Variants in MTMR9 observed in about 807,000 individuals in gnomAD.
MTMR9 encodes myotubularin-related protein 9.
Under a neutral mutation model 69.5 loss-of-function variants are expected in MTMR9, and 39 were observed. The observed-to-expected ratio is 0.56, with a 90% CI of 0.43 to 0.73. The LOEUF (loss-of-function observed/expected upper bound fraction) is 0.73, where lower values mean the gene tolerates loss of function less well. MTMR9 is among the 30% of genes least tolerant of loss of function. The pLI is 0.00. For missense variants in MTMR9, 900 were observed against 671.2 expected, an observed-to-expected ratio of 1.34 and a Z score of -3.77; for synonymous variants, 354 against 240.8, an observed-to-expected ratio of 1.47 and a Z score of -4.35.
At chr8:11,334,330 T>G in the MTMR9 span, among the ~76,000 whole-genome samples, 3 of 152,228 alleles carry the variant, frequency 2.0e-5, no homozygotes, top group Admixed American at 6.5e-5. Flanking sequence ...AAAATAAATG[T>G]TATTGAGCAC....
intron 9 of MTMR9, 159 bp downstream of exon 9, chr8:11,319,997 A>C: frequency 1.6e-6 from 1 of 613,902 alleles, no homozygotes; most frequent in South Asian, 3.6e-5. Flanking sequence ...TTCTCTTTCA[A>C]ATCAGTTATC....
chr8:11,316,604 G>A (rs1800424677), intron 7 of MTMR9, 69 bp from the exon 8 acceptor site: 2 of 953,844 alleles, frequency 2.1e-6, no homozygotes, highest in Non-Finnish European at 3.1e-6. Context: ...GTGTATAGTG[G>A]TGTCGGTAGA....
chr8:11,292,778 G>C (rs1799414986), intron 1 of MTMR9, among the ~76,000 whole-genome samples: 2 of 152,182 alleles, frequency 1.3e-5, no homozygotes, highest in African/African-American at 4.8e-5. Flanking sequence ...AGTCCCATAA[G>C]ATTATAATGG....
intron 2 of MTMR9, chr8:11,297,792 C>T (rs971957780): frequency 1.8e-5 from 8 of 447,920 alleles, no homozygotes; most frequent in Middle Eastern, 3.3e-4. Context: ...GAAAAGAAGC[C>T]GTAAATTATG....
chr8:11,299,418 C>A (rs1187992572), intron 2 of MTMR9, among the ~76,000 whole-genome samples: 1 of 152,184 alleles, frequency 6.6e-6, no homozygotes, highest in Non-Finnish European at 1.5e-5. Flanking sequence ...GCTTCAACAA[C>A]ACTATGAAGT....
chr8:11,338,309 C>T, the MTMR9 span, among the ~76,000 whole-genome samples: 1 of 152,146 alleles, frequency 6.6e-6, no homozygotes, highest in Non-Finnish European at 1.5e-5. Context: ...TCCGGAGTGT[C>T]CAGAGGTCTT....
At chr8:11,297,702 C>T (rs763499820) in intron 2 of MTMR9, among the ~76,000 whole-genome samples, 23 of 152,128 alleles carry the variant, frequency 1.5e-4, no homozygotes, top group Admixed American at 7.2e-4. Context: ...CACTTGCTGA[C>T]GCTGATCAGT....
At position 11,306,211 on chromosome 8, in the gene MTMR9, C is replaced by T. The variant is rs1799933781; in HGVS notation, c.613C>T (p.Pro205Ser). The T allele has an allele frequency of 1.2e-6, 2 of 1,613,002 alleles. No homozygotes were observed. The highest frequency in any genetic ancestry group is 2.7e-5 in the African/African-American group (2 of 74,872). ...NGMVIMRSGQ[P>S]LTGTNGRRCK... ...CTAGGTAATTATGCGAAGTGGTCAG[C>T]CACTCACTGGTACAAACGGGAGGAG... Residue 205 changes from proline to serine, a missense_variant, in exon 5 of 10, where the codon CCA (proline) becomes TCA (serine). Pro to Ser is a moderately conservative substitution (Grantham distance 74, BLOSUM62 -1). Transcript: ENST00000221086.
chr8:11,331,875 G>C, downstream of MTMR9: 1 of 1,612,044 alleles, frequency 6.2e-7, no homozygotes, highest in Non-Finnish European at 8.5e-7. Context: ...GAGTTGTGTG[G>C]GGGCAGAGGG....
chr8:11,295,536 T>C (rs2117615), intron 2 of MTMR9, among the ~76,000 whole-genome samples: 8,429 of 152,262 alleles, frequency 0.055, 813 homozygotes, highest in African/African-American at 0.19. Flanking sequence ...CATGAGTTGC[T>C]TGGAATTCCA....
At position 11,309,634 on chromosome 8, in the gene MTMR9, C is replaced by G. The variant is rs1206932138; in HGVS notation, c.917C>G (p.Thr306Ser). The change falls in exon 6 of 10, where the codon ACT (threonine) becomes AGT (serine). Residue 306 changes from threonine to serine, a missense_variant. By Grantham distance (58) the Thr-to-Ser change is moderately conservative (BLOSUM62 1). Transcript: ENST00000221086. The part of the protein sequence containing the change: ...LSKLEASNWL[T>S]HIKEILTTAC... ...AAATTGGAGGCCTCTAACTGGCTGA[C>G]TCACATCAAAGAGATTCTGACAACT... 2.5e-6 allele frequency: 4 copies of G among 1,613,972 alleles called. No homozygotes were observed. The South Asian group carries it at 3.3e-5, about 13-fold the overall frequency.
the MTMR9 span, among the ~76,000 whole-genome samples, chr8:11,334,060 C>G: frequency 1.4e-4 from 22 of 152,298 alleles, no homozygotes; most frequent in East Asian, 3.3e-3. Context: ...GTCCTTCCAC[C>G]TTTTGCCATG....
intron 1 of MTMR9, 80 bp from the exon 2 acceptor site, chr8:11,295,114 A>AG: frequency 1.3e-6 from 1 of 767,006 alleles, no homozygotes. Context: ...CTACAACTAT[A>AG]TTCTCTTTTC....
At chr8:11,308,282 C>T (rs954527986) in intron 5 of MTMR9, among the ~76,000 whole-genome samples, 1 of 152,186 alleles carries the variant, frequency 6.6e-6, no homozygotes, top group South Asian at 2.1e-4. Context: ...CACCACCACT[C>T]ATGGGAGAAG....
chr8:11,285,212 T>A, intron 1 of MTMR9, 142 bp downstream of exon 1: 2 of 840,174 alleles, frequency 2.4e-6, no homozygotes, highest in Non-Finnish European at 3.5e-6. Context: ...GAATCAGGAT[T>A]TACCAAGCTG....
intron 5 of MTMR9, among the ~76,000 whole-genome samples, chr8:11,307,554 T>C (rs2117413898): frequency 6.6e-6 from 1 of 152,330 alleles, no homozygotes; most frequent in East Asian, 1.9e-4. Flanking sequence ...ATATTCAAAA[T>C]ATTTACCCAG....
intron 1 of MTMR9, among the ~76,000 whole-genome samples, chr8:11,287,442 A>C (rs1252342107): frequency 6.6e-6 from 1 of 152,038 alleles, no homozygotes; most frequent in African/African-American, 2.4e-5. Flanking sequence ...AACTGTACAC[A>C]CATTTATCCT....
rs1423421089 is a variant in MTMR9 at position 11,322,957 on chromosome 8, A to G, written c.*169A>G. 6 of 474,726 alleles carry G rather than the reference A, an allele frequency of 1.3e-5. No individual in the cohort carries two copies. The highest frequency in any genetic ancestry group is 4.2e-5 in the Admixed American group (1 of 23,678). 29.4% of individuals were successfully genotyped at this position (474,726 alleles called of 1,614,324 possible). Reference sequence around the variant, plus strand: ...TACTGTATGAATAATGAAACTTACTATCATAAACCATGTTTCATGTGGCCT... The same window carrying G: ...TACTGTATGAATAATGAAACTTACTGTCATAAACCATGTTTCATGTGGCCT... On this transcript the variant is annotated 3_prime_UTR_variant, in exon 10 of 10. Coordinates refer to ENST00000221086, the MANE Select transcript of MTMR9 (RefSeq NM_015458.4).
intron 1 of MTMR9, among the ~76,000 whole-genome samples, chr8:11,287,074 A>G (rs139949778): frequency 1.5e-3 from 234 of 152,322 alleles, no homozygotes; most frequent in African/African-American, 5.2e-3. Context: ...TTACCTGTCT[A>G]TGAGTATTCA....
Sources: gnomAD v4.1 joint callset for allele counts (sites outside exome capture counted in the v4.1 genomes callset) on GRCh38, gnomAD v4.1.1 for gene constraint, MANE v1.5 for transcripts, NCBI Gene and HGNC (gene_info 2026-07-23, HGNC 2026-07-21) for gene names.